GTF2H3: variants seen among roughly 807,000 people sequenced by gnomAD.
GTF2H3 encodes general transcription factor IIH subunit 3, also known as TFIIH basal transcription factor complex p34 subunit.
Under a neutral mutation model 51.1 loss-of-function variants are expected in GTF2H3, and 42 were observed. The observed-to-expected ratio is 0.82, with a 90% CI of 0.64 to 1.06. The LOEUF (loss-of-function observed/expected upper bound fraction) is 1.06. Among genes scored for constraint, GTF2H3 ranks in the 50% least tolerant of loss-of-function variants. The pLI is 0.00. For missense variants in GTF2H3, 326 were observed against 366.1 expected (o/e 0.89, Z 0.89); for synonymous variants, 123 against 123.8 (o/e 0.99, Z 0.04).
intron 1 of GTF2H3, among the ~76,000 whole-genome samples, chr12:123,636,337 G>A (rs943947210): frequency 7.2e-5 from 11 of 152,178 alleles, no homozygotes; most frequent in Non-Finnish European, 2.9e-5. Context: ...GAAAGAGTTT[G>A]CGCTGGTTTG....
intron 2 of GTF2H3, among the ~76,000 whole-genome samples, chr12:123,641,973 C>T (rs1201532891): frequency 6.6e-6 from 1 of 151,894 alleles, no homozygotes; most frequent in Non-Finnish European, 1.5e-5. Context: ...CCTGCCTCAG[C>T]CTCCCGAGTA....
intron 3 of GTF2H3, among the ~76,000 whole-genome samples, chr12:123,646,311 C>T (rs1955446531): frequency 6.8e-6 from 1 of 147,932 alleles, no homozygotes; most frequent in African/African-American, 2.5e-5. Flanking sequence ...GGCTAGAGTG[C>T]AGTGGCACTA....
chr12:123,653,302 A>G (rs1955542159), intron 7 of GTF2H3, among the ~76,000 whole-genome samples: 1 of 151,852 alleles, frequency 6.6e-6, no homozygotes, highest in Non-Finnish European at 1.5e-5. Flanking sequence ...TGTAAATTCA[A>G]TTTACAATCT....
rs1955474088 is a variant in GTF2H3 at position 123,648,094 on chromosome 12, T to C, written c.332T>C (p.Ile111Thr). ...CTTTTAACCTCAGCAAATGAAGTTATTGTTGAAGAGATTAAAGATCTAATG... is the reference window on the plus strand; with the variant it reads ...CTTTTAACCTCAGCAAATGAAGTTACTGTTGAAGAGATTAAAGATCTAATG... ...YELLTSANEV[I>T]VEEIKDLMTK... is the part of the protein sequence containing the mutation. Residue 111 changes from isoleucine to threonine, a missense_variant, in exon 4 of 13, where the codon ATT (isoleucine) becomes ACT (threonine). Transcript: ENST00000543341. 2 of 1,608,860 alleles carry C rather than the reference T, an allele frequency of 1.2e-6. No individual in the cohort carries two copies. The highest frequency in any genetic ancestry group is 1.3e-5 in the African/African-American group (1 of 74,810).
chr12:123,658,597 G>T (rs1245711533), intron 9 of GTF2H3, among the ~76,000 whole-genome samples: 1 of 152,098 alleles, frequency 6.6e-6, no homozygotes, highest in East Asian at 1.9e-4. Context: ...CTCCCAAAGT[G>T]CTGGGATTAC....
chr12:123,654,088 C>T (rs1178902378), intron 7 of GTF2H3, among the ~76,000 whole-genome samples: 5 of 151,986 alleles, frequency 3.3e-5, no homozygotes, highest in South Asian at 4.2e-4. Context: ...CATCTTGATA[C>T]GTGTGAGTGT....
chr12:123,641,554 G>A (rs1259883246), intron 2 of GTF2H3, among the ~76,000 whole-genome samples: 1 of 99,170 alleles, frequency 1.0e-5, no homozygotes, highest in Non-Finnish European at 1.9e-5. Context: ...TTTTTTTTTT[G>A]AGACAGAGTC....
rs548264005 is a variant in GTF2H3, at chr12:123,660,378, C to A, written c.*143C>A. 5 of 582,368 alleles carry A rather than the reference C, an allele frequency of 8.6e-6. No homozygotes were observed. The highest frequency in any genetic ancestry group is 7.5e-5 in the African/African-American group (4 of 53,040). The allele number at this position is 582,368 out of a possible 1,614,324, so 36.1% of individuals were successfully genotyped here. A position where few individuals can be genotyped will look rare whatever the true frequency, so the allele number is the denominator to read the frequency against. ...TTACAGAAAATATTTCCCAAACATC[C>A]TTTTCATCCTGTGCTTCTGGAGGAC... is the stretch of plus-strand genomic sequence containing the variant. On this transcript the variant is annotated 3_prime_UTR_variant, in exon 13 of 13. Coordinates refer to ENST00000543341, the MANE Select transcript of GTF2H3 (RefSeq NM_001516.5).
chr12:123,643,324 C>G (rs892399872), intron 2 of GTF2H3, among the ~76,000 whole-genome samples: 23 of 152,300 alleles, frequency 1.5e-4, no homozygotes, highest in African/African-American at 5.3e-4. Context: ...GTGCTACATA[C>G]TGCTGTATCA....
chr12:123,655,253 C>T (rs1593812084), intron 8 of GTF2H3, among the ~76,000 whole-genome samples: 3 of 152,224 alleles, frequency 2.0e-5, no homozygotes, highest in East Asian at 3.9e-4. Flanking sequence ...AACCTTTAGC[C>T]CATCCTTGGA....
intron 1 of GTF2H3, among the ~76,000 whole-genome samples, chr12:123,635,034 T>G (rs904926669): frequency 3.9e-5 from 6 of 152,186 alleles, no homozygotes; most frequent in African/African-American, 1.4e-4. Context: ...CCATCCTCTC[T>G]TAATTGATGT....
chr12:123,659,329 T>C (rs1233876536), intron 9 of GTF2H3, 187 bp from the exon 10 acceptor site: 9 of 586,396 alleles, frequency 1.5e-5, no homozygotes, highest in South Asian at 7.1e-5. Flanking sequence ...ATTGTGCCAC[T>C]GCACTCCAGC....
chr12:123,639,619 C>T (rs1390581535), intron 2 of GTF2H3, among the ~76,000 whole-genome samples: 1 of 152,144 alleles, frequency 6.6e-6, no homozygotes, highest in African/African-American at 2.4e-5. Flanking sequence ...CTGATCTGCC[C>T]TCTATCTCTA....
At chr12:123,637,309 G>T (rs902136185) in intron 1 of GTF2H3, among the ~76,000 whole-genome samples, 1 of 151,924 alleles carries the variant, frequency 6.6e-6, no homozygotes, top group African/African-American at 2.4e-5. Flanking sequence ...GCTGATGCAG[G>T]AGGATCACAA....
At chr12:123,645,145 A>G (rs1168618149) in intron 2 of GTF2H3, among the ~76,000 whole-genome samples, 4 of 152,162 alleles carry the variant, frequency 2.6e-5, no homozygotes, top group African/African-American at 9.7e-5. Flanking sequence ...ATCTTGGCTC[A>G]CTGCAGCCTG....
chr12:123,645,886 G>A (rs191438980), intron 3 of GTF2H3, among the ~76,000 whole-genome samples: 11 of 152,360 alleles, frequency 7.2e-5, no homozygotes, highest in Non-Finnish European at 1.5e-4. Flanking sequence ...GTCTGCCCCA[G>A]CGTGCAAGTT....
intron 7 of GTF2H3, among the ~76,000 whole-genome samples, chr12:123,653,636 G>A (rs940215864): frequency 4.6e-5 from 7 of 150,778 alleles, no homozygotes; most frequent in East Asian, 1.9e-4. Flanking sequence ...GCAACAGAGC[G>A]AGACTCTGTC....
In GTF2H3 at chr12:123,636,478, T is replaced by C. The variant is rs146937547; in HGVS notation, c.13+2606T>C. Among the ~76,000 whole-genome samples the C allele has an allele frequency of 4.2e-3, 643 of 152,332 alleles. 6 individuals are homozygous for C. Among genetic ancestry groups the C allele is most frequent in the Non-Finnish European group, 5.1e-3 (348 of 68,036 alleles). On this transcript the variant is annotated intron_variant, in intron 1 of 12. Coordinates refer to ENST00000543341, the MANE Select transcript of GTF2H3 (RefSeq NM_001516.5). ...GAAAGGCATTACTGCTCTTTGCTAT[T>C]AAATGAGCATCCTAGAGCCGGGCAC...
chr12:123,655,852 G>C (rs371746742), intron 9 of GTF2H3, 28 bp downstream of exon 9: 7 of 1,482,348 alleles, frequency 4.7e-6, no homozygotes, highest in Non-Finnish European at 6.6e-6. Context: ...GCTTTGTGTC[G>C]GTGGTTATGA....
Sources: allele counts gnomAD v4.1 joint callset (sites outside exome capture counted in the v4.1 genomes callset), GRCh38; gene constraint gnomAD v4.1.1; transcripts MANE v1.5; gene names NCBI Gene and HGNC (gene_info 2026-07-23, HGNC 2026-07-21).